Variants in PKP4 observed in about 807,000 individuals in gnomAD.
PKP4 encodes the protein plakophilin-4.
PKP4 carries 90 observed loss-of-function variants against 145.1 expected under a neutral mutation model. That is an observed-to-expected ratio of 0.62 (90% CI 0.52 to 0.74). The LOEUF is 0.74. Among genes scored for constraint, PKP4 ranks in the 30% least tolerant of loss-of-function variants. The probability of loss-of-function intolerance (pLI) is 0.00; values close to 1 mark genes in which losing one functional copy is unlikely to be tolerated. For missense variants in PKP4, 1,340 were observed against 1,482.7 expected, an observed-to-expected ratio of 0.90 and a Z score of 1.58; for synonymous variants, 563 against 577.2, an observed-to-expected ratio of 0.98 and a Z score of 0.35.
chr2:158,632,418 G>A (rs1363746883), intron 8 of PKP4: 2 of 163,198 alleles, frequency 1.2e-5, no homozygotes, highest in Non-Finnish European at 2.7e-5. Context: ...AATGTAGAAT[G>A]TAAAATAGAT....
intron 1 of PKP4, among the ~76,000 whole-genome samples, chr2:158,468,886 C>G (rs1285943255): frequency 6.7e-6 from 1 of 150,082 alleles, no homozygotes; most frequent in African/African-American, 2.5e-5. Flanking sequence ...GGGACCCACT[C>G]GCATCAGCCT....
chr2:158,673,317 A>G (rs556856039), intron 17 of PKP4, among the ~76,000 whole-genome samples: 1 of 152,350 alleles, frequency 6.6e-6, no homozygotes, highest in Non-Finnish European at 1.5e-5. Flanking sequence ...CTCAGAATGT[A>G]GAGTCATGGT....
intron 1 of PKP4, among the ~76,000 whole-genome samples, chr2:158,475,279 A>C (rs1375762621): frequency 6.6e-6 from 1 of 152,176 alleles, no homozygotes; most frequent in Non-Finnish European, 1.5e-5. Flanking sequence ...TTTTGATAAC[A>C]TATCTATATG....
intron 11 of PKP4, among the ~76,000 whole-genome samples, chr2:158,656,422 G>A (rs2055929868): frequency 6.6e-6 from 1 of 152,116 alleles, no homozygotes; most frequent in Admixed American, 6.5e-5. Context: ...GGTCTATCAT[G>A]AACAGAAGAA....
intron 3 of PKP4, among the ~76,000 whole-genome samples, chr2:158,587,412 TATA>T (rs970896740): frequency 1.3e-5 from 2 of 152,088 alleles, no homozygotes; most frequent in African/African-American, 4.8e-5. Flanking sequence ...AAATAAGAAT[TATA>T]ATATTAGCCC....
chr2:158,553,280 T>C (rs7589622), intron 2 of PKP4, among the ~76,000 whole-genome samples: 138,462 of 152,238 alleles, frequency 0.91, 63,045 homozygotes, highest in East Asian at 0.98. Flanking sequence ...GAAAGTGCTC[T>C]AGAGAGAACG....
chr2:158,576,553 T>C (rs1990155), intron 2 of PKP4, among the ~76,000 whole-genome samples: 108,897 of 152,124 alleles, frequency 0.72, 40,173 homozygotes, highest in Non-Finnish European at 0.8. Context: ...GTTAAAACAT[T>C]CTCTCCTTTC....
In PKP4 at chr2:158,625,239, A is replaced by G. The variant is rs748822133; in HGVS notation, c.965A>G (p.Gln322Arg). 1.4e-5 allele frequency: 22 copies of G among 1,614,208 alleles called. No individual in the cohort carries two copies. The highest frequency in any genetic ancestry group is 2.7e-5 in the African/African-American group (2 of 75,042). ...TCCCCACTGACCCTGACGGATGCAC[A>G]GACTCGAGTAGCTTCCCCATCCCAA... ...VGSPLTLTDA[Q>R]TRVASPSQGQ... The change falls in exon 7 of 22, where the codon CAG (glutamine) becomes CGG (arginine). Residue 322 changes from glutamine (Q) to arginine (R), a missense_variant. By Grantham distance (43) the Gln-to-Arg change is conservative. Transcript: ENST00000389759.
intron 11 of PKP4, among the ~76,000 whole-genome samples, chr2:158,649,735 G>T (rs1297343954): frequency 6.6e-6 from 1 of 152,222 alleles, no homozygotes; most frequent in Non-Finnish European, 1.5e-5. Context: ...ACATCAGTCA[G>T]AGTGGAACTT....
intron 3 of PKP4, among the ~76,000 whole-genome samples, chr2:158,589,250 C>T (rs1263080277): frequency 2.0e-5 from 3 of 152,006 alleles, no homozygotes; most frequent in South Asian, 2.1e-4. Context: ...TTGGTCTTGG[C>T]GGTGGTGGTG....
At chr2:158,466,542 C>CA (rs1223399534) in intron 1 of PKP4, among the ~76,000 whole-genome samples, 1,442 of 138,506 alleles carry the variant, frequency 0.01, 16 homozygotes, top group African/African-American at 0.027. Context: ...ACTAAAAATA[C>CA]AAAAAAAAAA....
chr2:158,571,589 G>A (rs916463978), intron 2 of PKP4, among the ~76,000 whole-genome samples: 2 of 152,154 alleles, frequency 1.3e-5, no homozygotes, highest in African/African-American at 4.8e-5. Flanking sequence ...TTCAATTAAA[G>A]CCTGGAAGTG....
At chr2:158,548,690 G>T in intron 2 of PKP4, 1 of 210,506 alleles carries the variant, frequency 4.8e-6, no homozygotes, top group South Asian at 7.4e-5. Context: ...CCCGGCCGTG[G>T]ACCGCCAAGC....
intron 20 of PKP4, 164 bp downstream of exon 20, chr2:158,677,031 C>T (rs914129656): frequency 5.0e-6 from 4 of 803,192 alleles, no homozygotes; most frequent in Admixed American, 2.0e-5. Context: ...GTTGCCTTTT[C>T]TGCTTGTTTA....
intron 1 of PKP4, among the ~76,000 whole-genome samples, chr2:158,506,775 A>G (rs1574162527): frequency 6.6e-6 from 1 of 152,240 alleles, no homozygotes; most frequent in East Asian, 1.9e-4. Flanking sequence ...TCTGAAGAGA[A>G]TATGAACGGA....
chr2:158,507,779 G>C (rs1030318070), intron 1 of PKP4, among the ~76,000 whole-genome samples: 1 of 152,020 alleles, frequency 6.6e-6, no homozygotes, highest in South Asian at 2.1e-4. Context: ...AAGGTAGTGT[G>C]GGGGGGTCTC....
chr2:158,459,887 GCTTT>G (rs1453588584), intron 1 of PKP4, among the ~76,000 whole-genome samples: 1 of 152,194 alleles, frequency 6.6e-6, no homozygotes, highest in South Asian at 2.1e-4. Context: ...AGTTAGAAAT[GCTTT>G]CTATTTGTTA....
chr2:158,651,085 CTG>C lies in PKP4; in HGVS notation c.1910-7045_1910-7044del, dbSNP rs534059836. On this transcript the variant is annotated intron_variant, in intron 11 of 21. Transcript: ENST00000389759. ...TCCAGAGAAAGGTATTTTTCTATAA[CTG>C]AGGATAGTAGTTTTATCCCTGTCTC... 3.1e-3 allele frequency among the ~76,000 whole-genome samples: 469 copies of C among 152,310 alleles called. 3 individuals are homozygous for C. Among genetic ancestry groups the C allele is most frequent in the African/African-American group, 0.011 (452 of 41,562 alleles).
At chr2:158,587,001 A>G (rs2048856933) in intron 3 of PKP4, among the ~76,000 whole-genome samples, 2 of 152,226 alleles carry the variant, frequency 1.3e-5, no homozygotes, top group Admixed American at 1.3e-4. Context: ...TTTTATGAGT[A>G]ATAGAATCTT....
Sources: allele counts gnomAD v4.1 joint callset (sites outside exome capture counted in the v4.1 genomes callset), GRCh38; gene constraint gnomAD v4.1.1; transcripts MANE v1.5; gene names NCBI Gene and HGNC (gene_info 2026-07-23, HGNC 2026-07-21).